CNTNAP4: variants seen among roughly 807,000 people sequenced by gnomAD.
The protein encoded by CNTNAP4 is contactin associated protein family member 4.
A neutral mutation model predicts 148.4 loss-of-function variants in CNTNAP4; 98 were observed. The observed-to-expected ratio is 0.66, with a 90% confidence interval of 0.56 to 0.78. CNTNAP4 has a LOEUF of 0.78. Ranked by LOEUF, CNTNAP4 falls within the 30% of genes least tolerant of loss-of-function variation. The pLI is 0.00. For synonymous variants in CNTNAP4, 730 were observed against 565.1 expected, an observed-to-expected ratio of 1.29 and a Z score of -4.14; for missense variants, 1,935 against 1,565.6, an observed-to-expected ratio of 1.24 and a Z score of -3.98.
At chr16:76,531,903 T>A (rs987295645) in intron 17 of CNTNAP4, among the ~76,000 whole-genome samples, 6 of 152,214 alleles carry the variant, frequency 3.9e-5, no homozygotes, top group Non-Finnish European at 5.9e-5. Context: ...AGAATTAAGA[T>A]GTCATGTTTT....
chr16:76,401,039 A>G (rs968480377), intron 3 of CNTNAP4, among the ~76,000 whole-genome samples: 47 of 152,220 alleles, frequency 3.1e-4, no homozygotes, highest in East Asian at 3.9e-4. Flanking sequence ...TTGGTTCCTT[A>G]TGAATCTTAA....
rs149294902 is a variant in CNTNAP4 at position 76,361,127 on chromosome 16, T to G, written c.390+5616T>G. On this transcript the variant is annotated intron_variant, in intron 3 of 23. Transcript: ENST00000611870. ...CATGAGGCACCGCGCCCGGCCCATTTTTTATAATTGTGTTAAAAAAAAACT... is the reference window on the plus strand; with the variant it reads ...CATGAGGCACCGCGCCCGGCCCATTGTTTATAATTGTGTTAAAAAAAAACT... Among the ~76,000 whole-genome samples the G allele has an allele frequency of 7.0e-3, 1,071 of 152,094 alleles. 12 individuals are homozygous for G. Among genetic ancestry groups the G allele is most frequent in the African/African-American group, 0.023 (968 of 41,446 alleles).
At chr16:76,493,022 G>A (rs894330509) in intron 13 of CNTNAP4, among the ~76,000 whole-genome samples, 18 of 151,750 alleles carry the variant, frequency 1.2e-4, no homozygotes, top group African/African-American at 4.4e-4. Flanking sequence ...CTCCAGAAAG[G>A]CATGGAAGAG....
chr16:76,429,408 C>G (rs571253641), intron 4 of CNTNAP4, among the ~76,000 whole-genome samples: 1 of 152,262 alleles, frequency 6.6e-6, no homozygotes, highest in South Asian at 2.1e-4. Context: ...ATAAAAATAG[C>G]TAACAGTTAT....
At chr16:76,551,151 T>C (rs895635963) in intron 21 of CNTNAP4, among the ~76,000 whole-genome samples, 3 of 152,142 alleles carry the variant, frequency 2.0e-5, no homozygotes, top group African/African-American at 7.2e-5. Context: ...GGTTCATGCC[T>C]ATAATCTCAG....
intron 4 of CNTNAP4, among the ~76,000 whole-genome samples, chr16:76,443,985 T>C (rs2080141823): frequency 6.6e-6 from 1 of 152,114 alleles, no homozygotes; most frequent in Non-Finnish European, 1.5e-5. Context: ...TTTCAAAACA[T>C]AAAAACATAA....
At chr16:76,518,332 TGTTCAGACTGGTCTC>T (rs1440822607) in intron 15 of CNTNAP4, among the ~76,000 whole-genome samples, 2 of 152,002 alleles carry the variant, frequency 1.3e-5, no homozygotes, top group African/African-American at 4.8e-5. Flanking sequence ...TTCACCATGT[TGTTCAGACTGGTCTC>T]GAACTCCTGA....
chr16:76,395,007 G>A (rs756558830), intron 3 of CNTNAP4, among the ~76,000 whole-genome samples: 5 of 152,040 alleles, frequency 3.3e-5, no homozygotes, highest in East Asian at 1.9e-4. Flanking sequence ...TAGGCAATTC[G>A]GTGGGACCAG....
Position 76,448,081 on chromosome 16 carries a change from C to T in CNTNAP4, c.608C>T (p.Pro203Leu), listed in dbSNP as rs148662854. ...AGATTTGATCAAAAATCCCTGAGCC[C>T]AATAAAAGACATTATTTCTTTGAAA... The part of the protein sequence containing the change: ...LYRFDQKSLS[P>L]IKDIISLKFK... Residue 203 changes from proline to leucine, a missense_variant, in exon 5 of 24, where the codon CCA (proline) becomes CTA (leucine). Coordinates refer to ENST00000611870, the MANE Select transcript of CNTNAP4 (RefSeq NM_033401.5). 3 of 1,613,412 alleles carry T rather than the reference C, an allele frequency of 1.9e-6. No individual in the cohort carries two copies. In the African/African-American group the frequency reaches 4.0e-5, roughly 22 times the overall value.
At chr16:76,543,026 T>C (rs1230319425) in intron 21 of CNTNAP4, among the ~76,000 whole-genome samples, 1 of 152,200 alleles carries the variant, frequency 6.6e-6, no homozygotes, top group Non-Finnish European at 1.5e-5. Flanking sequence ...ATTTCCCTTT[T>C]TGTAAATGAA....
intron 3 of CNTNAP4, among the ~76,000 whole-genome samples, chr16:76,374,325 T>G (rs2015187226): frequency 6.6e-6 from 1 of 152,226 alleles, no homozygotes; most frequent in Non-Finnish European, 1.5e-5. Context: ...AGCGAGTTTG[T>G]GGAAAGTTGC....
At chr16:76,553,993 A>G (rs150191211) in intron 23 of CNTNAP4, 86 bp downstream of exon 23, 6 of 834,076 alleles carry the variant, frequency 7.2e-6, no homozygotes, top group African/African-American at 5.1e-5. Context: ...ACTGTGAAGA[A>G]TCTGCACATA....
chr16:76,446,614 A>G (rs1004167796), intron 4 of CNTNAP4, among the ~76,000 whole-genome samples: 1 of 152,206 alleles, frequency 6.6e-6, no homozygotes, highest in African/African-American at 2.4e-5. Flanking sequence ...TGTCACAGTT[A>G]TGCCACAAAT....
At chr16:76,364,810 A>T (rs550116410) in intron 3 of CNTNAP4, among the ~76,000 whole-genome samples, 1 of 152,036 alleles carries the variant, frequency 6.6e-6, no homozygotes, top group Non-Finnish European at 1.5e-5. Context: ...AATATTTACA[A>T]CTATTCTGTA....
chr16:76,362,702 G>C (rs955464778), intron 3 of CNTNAP4, among the ~76,000 whole-genome samples: 5 of 152,190 alleles, frequency 3.3e-5, no homozygotes, highest in African/African-American at 1.2e-4. Flanking sequence ...GGAACATAGA[G>C]TGCATATGGA....
chr16:76,353,272 A>G (rs553227102), intron 2 of CNTNAP4, among the ~76,000 whole-genome samples: 7 of 152,220 alleles, frequency 4.6e-5, no homozygotes, highest in African/African-American at 1.7e-4. Context: ...GTATAGTAAG[A>G]AACAGGGATT....
intron 15 of CNTNAP4, among the ~76,000 whole-genome samples, chr16:76,505,566 G>A (rs574530204): frequency 1.0e-5 from 1 of 96,934 alleles, no homozygotes; most frequent in African/African-American, 2.6e-5. Flanking sequence ...TATGGTTTCA[G>A]GTCCTTTTCA....
At chr16:76,473,002 G>C (rs568850092) in intron 10 of CNTNAP4, among the ~76,000 whole-genome samples, 1 of 152,148 alleles carries the variant, frequency 6.6e-6, no homozygotes, top group Admixed American at 6.6e-5. Context: ...CGTGAGGGGG[G>C]CAGAGGGGGG....
At chr16:76,325,710 C>T (rs950114342) in intron 2 of CNTNAP4, among the ~76,000 whole-genome samples, 14 of 151,716 alleles carry the variant, frequency 9.2e-5, no homozygotes, top group Admixed American at 7.9e-4. Flanking sequence ...TGCATTCATC[C>T]CAAAAAACTA....
Sources: gnomAD v4.1 joint callset for allele counts (sites outside exome capture counted in the v4.1 genomes callset) on GRCh38, gnomAD v4.1.1 for gene constraint, MANE v1.5 for transcripts, NCBI Gene and HGNC (gene_info 2026-07-23, HGNC 2026-07-21) for gene names.